MRAP2: variants seen among roughly 807,000 people sequenced by gnomAD.
The protein encoded by MRAP2 is melanocortin-2 receptor accessory protein 2.
In MRAP2, 20 loss-of-function variants were observed where a neutral mutation model predicts 17.4. The ratio of observed to expected loss-of-function variants is 1.15; its 90% CI spans 0.81 to 1.67. The LOEUF (loss-of-function observed/expected upper bound fraction) is 1.67. Among genes scored for constraint, MRAP2 ranks in the 40% most tolerant of loss-of-function variants. The pLI is 0.00. For synonymous variants in MRAP2, 96 were observed against 88.4 expected, an observed-to-expected ratio of 1.09 and a Z score of -0.48; for missense variants, 238 against 240.0, an observed-to-expected ratio of 0.99 and a Z score of 0.05.
At chr6:84,045,209 A>G in intron 1 of MRAP2, 1 of 985,366 alleles carries the variant, frequency 1.0e-6, no homozygotes, top group South Asian at 4.7e-5. Flanking sequence ...TTATATATAT[A>G]CACAATGAAT....
intron 1 of MRAP2, among the ~76,000 whole-genome samples, chr6:84,042,015 T>C (rs2099487719): frequency 6.6e-6 from 1 of 152,232 alleles, no homozygotes; most frequent in Admixed American, 6.5e-5. Flanking sequence ...CCGTCTCATC[T>C]TGAACTGTAG....
chr6:84,058,379 A>C (rs1037788476), intron 2 of MRAP2, among the ~76,000 whole-genome samples: 10 of 152,228 alleles, frequency 6.6e-5, no homozygotes, highest in Non-Finnish European at 1.5e-4. Context: ...TAAGAGAAAG[A>C]AGAGTCAAGA....
the MRAP2 span, among the ~76,000 whole-genome samples, chr6:84,132,075 G>A: frequency 6.6e-6 from 1 of 152,160 alleles, no homozygotes; most frequent in South Asian, 2.1e-4. Flanking sequence ...TGTCTGTAAA[G>A]GATTTTATTT....
At chr6:84,097,674 C>T in the MRAP2 span, among the ~76,000 whole-genome samples, 2 of 150,728 alleles carry the variant, frequency 1.3e-5, no homozygotes, top group African/African-American at 5.0e-5. Flanking sequence ...TAAAAAGACT[C>T]TACTAACTCT....
At chr6:84,094,427 T>C (rs73750507), downstream of MRAP2, among the ~76,000 whole-genome samples, 26,356 of 152,096 alleles carry the variant, frequency 0.17, 2,346 homozygotes, top group Middle Eastern at 0.27. Flanking sequence ...TTACTATCAG[T>C]AGCAAGAAGA....
At chr6:84,041,539 C>T (rs536218875) in intron 1 of MRAP2, among the ~76,000 whole-genome samples, 33 of 152,352 alleles carry the variant, frequency 2.2e-4, no homozygotes, top group South Asian at 6.2e-4. Flanking sequence ...GCTGTGAAGG[C>T]GCCAGGAGGG....
At chr6:84,072,721 C>G (rs2099496503) in intron 3 of MRAP2, among the ~76,000 whole-genome samples, 1 of 152,096 alleles carries the variant, frequency 6.6e-6, no homozygotes, top group Admixed American at 6.5e-5. Context: ...CGTGTCTGAG[C>G]TCAGTCTCTC....
chr6:84,061,851 T>C (rs1303233994), intron 2 of MRAP2: 12 of 985,326 alleles, frequency 1.2e-5, no homozygotes, highest in South Asian at 9.4e-5. Flanking sequence ...TAAAGTGCTT[T>C]ATGTGTGGAA....
At chr6:84,045,787 C>T (rs576812266) in intron 1 of MRAP2, among the ~76,000 whole-genome samples, 66 of 152,104 alleles carry the variant, frequency 4.3e-4, no homozygotes, top group Admixed American at 1.5e-3. Context: ...TACAGACACA[C>T]ACACACAATG....
chr6:84,084,082 T>C (rs6933393), intron 3 of MRAP2, among the ~76,000 whole-genome samples: 1,674 of 152,102 alleles, frequency 0.011, 25 homozygotes, highest in African/African-American at 0.037. Context: ...ATAATAATAA[T>C]AAACCTCTCA....
chr6:84,063,801 C>G (rs1302562654), intron 3 of MRAP2, among the ~76,000 whole-genome samples: 1 of 152,154 alleles, frequency 6.6e-6, no homozygotes, highest in Non-Finnish European at 1.5e-5. Flanking sequence ...AATCCCAGCA[C>G]TTTGGGAGGC....
chr6:84,126,537 G>T, the MRAP2 span: 1 of 1,449,988 alleles, frequency 6.9e-7, no homozygotes. Flanking sequence ...TGAAGCAAAT[G>T]AAAAACTATA....
chr6:84,128,747 G>GTC, the MRAP2 span, among the ~76,000 whole-genome samples: 2 of 151,852 alleles, frequency 1.3e-5, no homozygotes, highest in African/African-American at 4.8e-5. Flanking sequence ...GAACGTGCAG[G>GTC]TTTGTTACAT....
chr6:84,066,995 A>G (rs886823899), intron 3 of MRAP2, among the ~76,000 whole-genome samples: 5 of 152,132 alleles, frequency 3.3e-5, no homozygotes, highest in African/African-American at 7.2e-5. Context: ...CCCGAGCAGT[A>G]TATGCTACAC....
the MRAP2 span, among the ~76,000 whole-genome samples, chr6:84,107,087 C>T: frequency 3.3e-5 from 5 of 152,150 alleles, no homozygotes; most frequent in African/African-American, 1.2e-4. Context: ...AGACCTCAAG[C>T]ACCATTGGAT....
At chr6:84,068,614 T>C (rs116080019) in intron 3 of MRAP2, among the ~76,000 whole-genome samples, 1 of 152,070 alleles carries the variant, frequency 6.6e-6, no homozygotes, top group African/African-American at 2.4e-5. Context: ...CTTTGTTAGG[T>C]TATTCCTAAG....
intron 2 of MRAP2, among the ~76,000 whole-genome samples, chr6:84,059,602 T>C (rs2099492575): frequency 6.6e-6 from 1 of 152,202 alleles, no homozygotes; most frequent in South Asian, 2.1e-4. Context: ...CTTTCAGCTC[T>C]CTTGTTCCAT....
chr6:84,124,597 AG>A, the MRAP2 span: 1 of 180,190 alleles, frequency 5.5e-6, no homozygotes, highest in Non-Finnish European at 1.1e-5. Context: ...TGTGAGCGGC[AG>A]TAAGCGTTGA....
At chr6:84,045,558 T>C (rs1176654435) in intron 1 of MRAP2, among the ~76,000 whole-genome samples, 1 of 151,882 alleles carries the variant, frequency 6.6e-6, no homozygotes, top group East Asian at 1.9e-4. Context: ...AGGCCAGGAG[T>C]TTGAGACCAG....
Sources: gnomAD v4.1 joint callset for allele counts (sites outside exome capture counted in the v4.1 genomes callset) on GRCh38, gnomAD v4.1.1 for gene constraint, MANE v1.5 for transcripts, NCBI Gene and HGNC (gene_info 2026-07-23, HGNC 2026-07-21) for gene names.